Variants in GPC6 observed in about 807,000 individuals in gnomAD.
GPC6 encodes glypican-6.
GPC6 carries 14 observed loss-of-function variants against 55.2 expected under a neutral mutation model. That is an observed-to-expected ratio of 0.25 (90% CI 0.17 to 0.40). GPC6 has a LOEUF of 0.40. Ranked by LOEUF, GPC6 falls within the 10% of genes least tolerant of loss-of-function variation. GPC6 has a pLI of 1.00. For missense variants in GPC6, 641 were observed against 708.5 expected, an observed-to-expected ratio of 0.90 and a Z score of 1.08; for synonymous variants, 278 against 259.6, an observed-to-expected ratio of 1.07 and a Z score of -0.68.
chr13:94,123,436 C>A (rs1886703225), intron 4 of GPC6, among the ~76,000 whole-genome samples: 1 of 152,068 alleles, frequency 6.6e-6, no homozygotes, highest in East Asian at 1.9e-4. Flanking sequence ...GTATATCAAA[C>A]ATATATACTT....
chr13:93,566,154 A>G (rs1439001684), intron 2 of GPC6, among the ~76,000 whole-genome samples: 3 of 152,308 alleles, frequency 2.0e-5, no homozygotes, highest in South Asian at 4.1e-4. Context: ...AGAGGCAGAG[A>G]TATGCTGTAA....
At chr13:93,644,115 C>G (rs1205213026) in intron 2 of GPC6, among the ~76,000 whole-genome samples, 1 of 152,036 alleles carries the variant, frequency 6.6e-6, no homozygotes, top group Non-Finnish European at 1.5e-5. Flanking sequence ...CCCATTGAAG[C>G]TTATCTCTTG....
At chr13:93,690,598 A>C (rs1178669346) in intron 2 of GPC6, among the ~76,000 whole-genome samples, 1 of 151,896 alleles carries the variant, frequency 6.6e-6, no homozygotes, top group Non-Finnish European at 1.5e-5. Context: ...ATTCTTTTCT[A>C]AGACTGCGTT....
chr13:93,613,170 C>T (rs774045251), intron 2 of GPC6, among the ~76,000 whole-genome samples: 1 of 152,108 alleles, frequency 6.6e-6, no homozygotes, highest in Admixed American at 6.5e-5. Context: ...TGCATTGGCC[C>T]CCTCTTTACT....
At chr13:93,559,628 G>T (rs532403080) in intron 2 of GPC6, among the ~76,000 whole-genome samples, 3 of 152,154 alleles carry the variant, frequency 2.0e-5, no homozygotes, top group African/African-American at 7.2e-5. Flanking sequence ...TTTATAAAAA[G>T]ACATGAATAT....
chr13:93,489,944 T>C (rs536717258), intron 1 of GPC6, among the ~76,000 whole-genome samples: 26 of 151,596 alleles, frequency 1.7e-4, no homozygotes, highest in African/African-American at 5.3e-4. Context: ...CTTTTCCTAA[T>C]TGAATACCCT....
At chr13:94,056,964 C>T (rs1884153501) in intron 4 of GPC6, among the ~76,000 whole-genome samples, 1 of 152,170 alleles carries the variant, frequency 6.6e-6, no homozygotes, top group Non-Finnish European at 1.5e-5. Flanking sequence ...TTATAGTTAT[C>T]TTATCATTTT....
At chr13:93,264,156 C>T (rs894440603) in intron 1 of GPC6, among the ~76,000 whole-genome samples, 2 of 152,026 alleles carry the variant, frequency 1.3e-5, no homozygotes, top group Admixed American at 1.3e-4. Flanking sequence ...TCTCAGATTC[C>T]CTCAGGCATC....
At chr13:94,373,767 T>C (rs938690401) in intron 6 of GPC6, among the ~76,000 whole-genome samples, 1 of 152,098 alleles carries the variant, frequency 6.6e-6, no homozygotes, top group African/African-American at 2.4e-5. Flanking sequence ...AATTGTCAGA[T>C]TCACCAAATT....
chr13:93,903,941 A>G (rs1051102525), intron 3 of GPC6, among the ~76,000 whole-genome samples: 6 of 139,168 alleles, frequency 4.3e-5, no homozygotes, highest in African/African-American at 2.0e-4. Context: ...CGAAATCACA[A>G]AGAAGAACAT....
At chr13:93,751,670 C>T (rs1884597648) in intron 2 of GPC6, among the ~76,000 whole-genome samples, 1 of 151,878 alleles carries the variant, frequency 6.6e-6, no homozygotes, top group Admixed American at 6.6e-5. Context: ...TACAGGTGTG[C>T]ACCACCATGC....
chr13:93,659,333 C>G (rs943459000), intron 2 of GPC6, among the ~76,000 whole-genome samples: 1 of 151,894 alleles, frequency 6.6e-6, no homozygotes, highest in Admixed American at 6.6e-5. Context: ...CTGTGTTTCT[C>G]TCCATCGTAC....
At chr13:93,909,841 A>G in intron 3 of GPC6, among the ~76,000 whole-genome samples, 1 of 152,070 alleles carries the variant, frequency 6.6e-6, no homozygotes, top group Non-Finnish European at 1.5e-5. Flanking sequence ...TTTTCGATTT[A>G]TATATAATTT....
At chr13:93,601,201 T>C (rs1227112725) in intron 2 of GPC6, among the ~76,000 whole-genome samples, 1 of 151,674 alleles carries the variant, frequency 6.6e-6, no homozygotes, top group Non-Finnish European at 1.5e-5. Context: ...CTGGCCAACA[T>C]AGAGAAACCT....
chr13:94,303,800 A>G (rs1252281122), intron 5 of GPC6, among the ~76,000 whole-genome samples: 1 of 150,912 alleles, frequency 6.6e-6, no homozygotes, highest in Non-Finnish European at 1.5e-5. Flanking sequence ...AGCAAACGTG[A>G]GGTTTTTCCA....
chr13:93,603,209 C>G (rs1878098982), intron 2 of GPC6, among the ~76,000 whole-genome samples: 1 of 151,978 alleles, frequency 6.6e-6, no homozygotes. Context: ...TGATCTCACT[C>G]TGTTGGTATG....
At chr13:93,597,590 G>C (rs1877817935) in intron 2 of GPC6, among the ~76,000 whole-genome samples, 1 of 152,088 alleles carries the variant, frequency 6.6e-6, no homozygotes, top group Non-Finnish European at 1.5e-5. Context: ...TCTGCCACCT[G>C]TAAGACCGCA....
At chr13:93,761,195 A>G (rs540428498) in intron 2 of GPC6, among the ~76,000 whole-genome samples, 1 of 152,322 alleles carries the variant, frequency 6.6e-6, no homozygotes, top group South Asian at 2.1e-4. Context: ...ATTGTCAGTA[A>G]ATAACTATGA....
intron 1 of GPC6, among the ~76,000 whole-genome samples, chr13:93,530,884 G>C (rs1881840691): frequency 6.6e-6 from 1 of 152,080 alleles, no homozygotes; most frequent in African/African-American, 2.4e-5. Flanking sequence ...GCTGTGTTGG[G>C]AGTATTTATG....
Sources: allele counts gnomAD v4.1 joint callset (sites outside exome capture counted in the v4.1 genomes callset), GRCh38; gene constraint gnomAD v4.1.1; transcripts MANE v1.5; gene names NCBI Gene and HGNC (gene_info 2026-07-23, HGNC 2026-07-21).